The following ERAP2 variants were observed in gnomAD, a reference collection of about 807,000 sequenced individuals.
ERAP2 encodes the protein endoplasmic reticulum aminopeptidase 2.
ERAP2 carries 118 observed loss-of-function variants against 111.1 expected under a neutral mutation model. The ratio of observed to expected loss-of-function variants is 1.06; its 90% CI spans 0.92 to 1.24. The LOEUF is 1.24. Among genes scored for constraint, ERAP2 ranks in the 50% most tolerant of loss-of-function variants. The pLI is 0.00. For synonymous variants in ERAP2, 410 were observed against 401.2 expected (o/e 1.02, Z -0.26); for missense variants, 1,131 against 1,125.8 (o/e 1.00, Z -0.07).
At chr5:96,898,145 G>A (rs528685904) in intron 9 of ERAP2, among the ~76,000 whole-genome samples, 12 of 152,094 alleles carry the variant, frequency 7.9e-5, no homozygotes, top group African/African-American at 2.4e-4. Context: ...GCAGTGAGCC[G>A]AGATTGCACC....
chr5:96,914,390 A>G (rs1787151768), intron 17 of ERAP2, among the ~76,000 whole-genome samples: 1 of 152,216 alleles, frequency 6.6e-6, no homozygotes, highest in African/African-American at 2.4e-5. Context: ...CAAAAAGCAC[A>G]TTTCCACTCC....
In ERAP2 at chr5:96,913,446, T is replaced by C. The variant is rs754230151; in HGVS notation, c.2646T>C (p.His882=). 1 of 1,614,024 alleles carries C rather than the reference T, an allele frequency of 6.2e-7. No individual in the cohort carries two copies. The highest frequency in any genetic ancestry group is 8.5e-7 in the Non-Finnish European group (1 of 1,179,966). ...ATTTTGTAAGAGAAAATTGGACCCA[T>C]CTTCTGAAAAAGTTGGTATTCATTT... ...AWDFVRENWT[H]LLKKFDLGSY... is the part of the protein sequence containing the mutation. The change falls in exon 17 of 19, where the codon CAT becomes CAC. Residue 882 remains histidine, a synonymous_variant. Transcript: ENST00000437043.
chr5:96,918,467 G>C lies in ERAP2; in HGVS notation c.*862G>C, dbSNP rs1787682618. 1 of 152,150 alleles carries C rather than the reference G, an allele frequency of 6.6e-6. No homozygotes were observed. The highest frequency in any genetic ancestry group is 1.5e-5 in the Non-Finnish European group (1 of 68,034). 9.4% of individuals were successfully genotyped at this position (152,150 alleles called of 1,614,324 possible). On this transcript the variant is annotated 3_prime_UTR_variant, in exon 19 of 19. Coordinates refer to ENST00000437043, the MANE Select transcript of ERAP2 (RefSeq NM_022350.5). ...CAGGGTTTATCAAGAAGGCCAGGAAGGCCTTTTGGGTTAAGCCTTACATTC... is the reference window on the plus strand; with the variant it reads ...CAGGGTTTATCAAGAAGGCCAGGAACGCCTTTTGGGTTAAGCCTTACATTC...
chr5:96,889,186 T>A lies in ERAP2; in HGVS notation c.851T>A (p.Val284Glu). ...LSGFTSSGVK[V>E]SIYASPDKRN... ...CCTCTTCTGATCCACATTTCCCAGG[T>A]GTCCATCTATGCATCCCCAGACAAA... The change falls in exon 5 of 19, where the codon GTG becomes GAG. Residue 284 changes from valine to glutamate, a missense_variant and splice_region_variant. Val to Glu is a moderately radical substitution (Grantham distance 121). Around this residue, in one of 3 missense-constraint regions of ERAP2, gnomAD observed 847 missense variants for 856.5 expected, o/e 0.99. Transcript: ENST00000437043. The A allele has an allele frequency of 4.3e-6, 7 of 1,614,048 alleles. No homozygotes were observed. The highest frequency in any genetic ancestry group is 5.9e-6 in the Non-Finnish European group (7 of 1,179,918).
chr5:96,903,675 A>C, intron 13 of ERAP2, 115 bp downstream of exon 13: 20 of 965,812 alleles, frequency 2.1e-5, no homozygotes, highest in South Asian at 5.8e-5. Flanking sequence ...ATTTGAATGG[A>C]ATTCAAACAG....
intron 6 of ERAP2, among the ~76,000 whole-genome samples, chr5:96,893,426 T>G (rs1270474824): frequency 6.6e-6 from 1 of 152,214 alleles, no homozygotes; most frequent in African/African-American, 2.4e-5. Context: ...AGAGCCATGC[T>G]CAACACTGTG....
chr5:96,892,298 G>A lies in ERAP2; in HGVS notation c.971-1G>A. On this transcript the variant is annotated splice_acceptor_variant, in intron 5 of 18. Transcript: ENST00000437043. LOFTEE classifies it high-confidence loss of function. ...CAAGTATGGTTGTTCTTATTTCTTA[G>A]ATTTAATTGCTATTCCTGACTTTGC... 1 of 1,613,622 alleles carries A rather than the reference G, an allele frequency of 6.2e-7. No individual in the cohort carries two copies. The highest frequency in any genetic ancestry group is 8.5e-7 in the Non-Finnish European group (1 of 1,179,684).
chr5:96,906,329 C>A (rs1289190554), intron 13 of ERAP2, among the ~76,000 whole-genome samples: 1 of 152,056 alleles, frequency 6.6e-6, no homozygotes, highest in African/African-American at 2.4e-5. Context: ...TGCAGTGGTG[C>A]GATCATGGCT....
chr5:96,906,932 G>A (rs971060077), intron 13 of ERAP2, among the ~76,000 whole-genome samples: 1 of 152,182 alleles, frequency 6.6e-6, no homozygotes, highest in African/African-American at 2.4e-5. Flanking sequence ...GGAGGCTGAG[G>A]CAGGAGAATC....
intron 13 of ERAP2, among the ~76,000 whole-genome samples, chr5:96,908,420 T>A (rs1262143298): frequency 6.6e-6 from 1 of 152,178 alleles, no homozygotes; most frequent in African/African-American, 2.4e-5. Context: ...ATCTAAAAGA[T>A]GAAAATACTT....
In ERAP2 at chr5:96,896,769, G is replaced by A. The variant is rs866502415; in HGVS notation, c.1409G>A (p.Gly470Asp). Residue 470 changes from glycine (G) to aspartate (D), a missense_variant, in exon 9 of 19, where the codon GGT becomes GAT. Gly to Asp is a moderately conservative substitution (Grantham distance 94). This residue lies in a region of ERAP2 where 847 missense variants were observed against 856.5 expected (regional missense o/e 0.99). Coordinates refer to ENST00000437043, the MANE Select transcript of ERAP2 (RefSeq NM_022350.5). Reference protein sequence around the residue: ...CILNMLKDFLGEEKFQKGIIQ... With the variant: ...CILNMLKDFLDEEKFQKGIIQ... The stretch of plus-strand genomic sequence containing the variant: ...TTGAATATGCTCAAGGATTTTCTGG[G>A]TGAGGAGAAATTCCAGAAAGGAATA... The A allele has an allele frequency of 4.7e-6, 7 of 1,501,788 alleles. No individual in the cohort carries two copies. The highest frequency in any genetic ancestry group is 2.6e-5 in the East Asian group (1 of 39,062). The allele number at this position is 1,501,788 out of a possible 1,614,324, so 93.0% of individuals were successfully genotyped here. A position where few individuals can be genotyped will look rare whatever the true frequency, so the allele number is the denominator to read the frequency against.
At position 96,918,598 on chromosome 5, in the gene ERAP2, A is replaced by C. The variant is rs1300450879; in HGVS notation, c.*993A>C. The C allele has an allele frequency of 6.6e-6, 1 of 152,134 alleles. No homozygotes were observed. Among genetic ancestry groups the C allele is most frequent in the East Asian group, 1.9e-4 (1 of 5,184 alleles). The allele number at this position is 152,134 out of a possible 1,614,324, so 9.4% of individuals were successfully genotyped here. ...AAATCTGCCCTCACAGAGATACAAA[A>C]GGAAAAGGAATATAATTCATACCAT... is the stretch of plus-strand genomic sequence containing the variant. On this transcript the variant is annotated 3_prime_UTR_variant, in exon 19 of 19. Coordinates refer to ENST00000437043, the MANE Select transcript of ERAP2 (RefSeq NM_022350.5).
intron 17 of ERAP2, among the ~76,000 whole-genome samples, chr5:96,914,148 T>TCTCTCTCACACACACACACACA (rs34158080): frequency 1.2e-4 from 18 of 147,982 alleles, no homozygotes; most frequent in African/African-American, 4.2e-4. Context: ...TCTCTCTCTC[T>TCTCTCTCACACACACACACACA]CACACACACA....
chr5:96,896,504 G>A lies in ERAP2; in HGVS notation c.1371G>A (p.Lys457=), dbSNP rs1784871194. ...TGTTTGATGAAGTTTCCTATAACAA[G>A]GTAGTAAATATCAGGTGCAGGTGGA... ...QEMFDEVSYN[K]GACILNMLKD... The change falls in exon 8 of 19, where the codon AAG becomes AAA. Residue 457 remains lysine (K), a splice_region_variant and synonymous_variant. Transcript: ENST00000437043. 1.2e-6 allele frequency: 2 copies of A among 1,612,334 alleles called. No individual in the cohort carries two copies. Among genetic ancestry groups the A allele is most frequent in the African/African-American group, 1.3e-5 (1 of 74,706 alleles).
In ERAP2 at chr5:96,892,287, C is replaced by G. The variant is rs779640411; in HGVS notation, c.971-12C>G. The G allele has an allele frequency of 4.3e-5, 70 of 1,613,094 alleles. No individual in the cohort carries two copies. The Middle Eastern group carries it at 4.9e-4, about 11-fold the overall frequency. ...GCCATAAAACTCAAGTATGGTTGTTCTTATTTCTTAGATTTAATTGCTATT... is the reference window on the plus strand; with the variant it reads ...GCCATAAAACTCAAGTATGGTTGTTGTTATTTCTTAGATTTAATTGCTATT... On this transcript the variant is annotated splice_polypyrimidine_tract_variant and intron_variant, in intron 5 of 18. Coordinates refer to ENST00000437043, the MANE Select transcript of ERAP2 (RefSeq NM_022350.5).
chr5:96,879,598 C>T lies in ERAP2; in HGVS notation c.-88C>T, dbSNP rs1434229800. Reference sequence around the variant, plus strand: ...ATGTATTGAAAATATTGTTCAGACCCCATGTGACATAACTGGAGCCAGTGC... The same window carrying T: ...ATGTATTGAAAATATTGTTCAGACCTCATGTGACATAACTGGAGCCAGTGC... On this transcript the variant is annotated 5_prime_UTR_variant, in exon 2 of 19. Transcript: ENST00000437043. The T allele has an allele frequency of 1.0e-6, 1 of 990,710 alleles. No homozygotes were observed. Among genetic ancestry groups the T allele is most frequent in the East Asian group, 2.4e-5 (1 of 40,972 alleles). 61.4% of individuals were successfully genotyped at this position (990,710 alleles called of 1,614,324 possible).
rs145863013 is a variant in ERAP2, at chr5:96,892,933, T to A, written c.1125+480T>A. On this transcript the variant is annotated intron_variant, in intron 6 of 18. Transcript: ENST00000437043. ...GGGTTGATGATCCTGGGCACATACC[T>A]AACTCTCTGAAGTTCAGTGTCCCCA... Among the ~76,000 whole-genome samples the A allele has an allele frequency of 2.6e-3, 392 of 152,302 alleles. 6 individuals are homozygous for A. The highest frequency in any genetic ancestry group is 0.022 in the Admixed American group (339 of 15,290).
intron 7 of ERAP2, among the ~76,000 whole-genome samples, chr5:96,895,706 A>C (rs1784804211): frequency 6.6e-6 from 1 of 152,212 alleles, no homozygotes; most frequent in South Asian, 2.1e-4. Context: ...CTCGGCATGT[A>C]ACCTGAAATC....
At chr5:96,908,495 A>G (rs776467749) in intron 13 of ERAP2, among the ~76,000 whole-genome samples, 2 of 152,188 alleles carry the variant, frequency 1.3e-5, no homozygotes, top group Non-Finnish European at 2.9e-5. Flanking sequence ...TCAAAGAAAA[A>G]CAAGACATGG....
Sources: gnomAD v4.1 joint callset for allele counts (sites outside exome capture counted in the v4.1 genomes callset) on GRCh38, gnomAD v4.1.1 for gene constraint, gnomAD v4.1.1 regional missense constraint, MANE v1.5 for transcripts, NCBI Gene and HGNC (gene_info 2026-07-23, HGNC 2026-07-21) for gene names.